COL23A1: variants seen among roughly 807,000 people sequenced by gnomAD.
COL23A1 encodes collagen alpha-1(XXIII) chain.
In COL23A1, 97 loss-of-function variants were observed where a neutral mutation model predicts 99.3. The observed-to-expected ratio is 0.98, with a 90% CI of 0.83 to 1.16. The LOEUF is 1.16. Ranked by LOEUF, COL23A1 falls within the 50% of genes most tolerant of loss-of-function variation. The pLI, the probability that COL23A1 is intolerant of heterozygous loss-of-function variation, is 0.00. For synonymous variants in COL23A1, 320 were observed against 308.2 expected (o/e 1.04, Z -0.40); for missense variants, 762 against 757.4 (o/e 1.01, Z -0.07).
intron 2 of COL23A1, among the ~76,000 whole-genome samples, chr5:178,470,826 C>T (rs1363282246): frequency 2.6e-5 from 4 of 152,222 alleles, no homozygotes; most frequent in African/African-American, 9.6e-5. Context: ...CCCCACTGAG[C>T]GGCCGTTCAT....
chr5:178,353,812 C>A lies in COL23A1; in HGVS notation c.362-46893G>T, dbSNP rs749280793. On this transcript the variant is annotated intron_variant, in intron 2 of 28. Coordinates refer to ENST00000390654, the MANE Select transcript of COL23A1 (RefSeq NM_173465.4). ...GGAATTTATCCCTCCCATGCACTCACCCCAGTGTCATTTAACGCAGCCATT... is the reference window on the plus strand; with the variant it reads ...GGAATTTATCCCTCCCATGCACTCAACCCAGTGTCATTTAACGCAGCCATT... Among the ~76,000 whole-genome samples the A allele has an allele frequency of 2.6e-5, 4 of 152,216 alleles. 1 individual carries two copies.
chr5:178,447,656 T>G (rs1767238134), intron 2 of COL23A1, among the ~76,000 whole-genome samples: 1 of 152,180 alleles, frequency 6.6e-6, no homozygotes, highest in Non-Finnish European at 1.5e-5. Context: ...CTCGCTGATG[T>G]CCACACAATG....
At chr5:178,432,252 GAGAA>G (rs1322460499) in intron 2 of COL23A1, among the ~76,000 whole-genome samples, 6 of 152,210 alleles carry the variant, frequency 3.9e-5, no homozygotes, top group Non-Finnish European at 7.3e-5. Flanking sequence ...ACTAAGAAAA[GAGAA>G]AGCACTCCAA....
intron 2 of COL23A1, among the ~76,000 whole-genome samples, chr5:178,548,910 T>C (rs1272430498): frequency 4.6e-5 from 7 of 152,196 alleles, no homozygotes; most frequent in Non-Finnish European, 7.4e-5. Flanking sequence ...AATAGTAGTA[T>C]GTTCATACAC....
At chr5:178,587,002 A>T (rs1764037973) in intron 1 of COL23A1, among the ~76,000 whole-genome samples, 1 of 152,240 alleles carries the variant, frequency 6.6e-6, no homozygotes, top group African/African-American at 2.4e-5. Flanking sequence ...CAATAAATCC[A>T]TTGTAAGCTG....
chr5:178,249,683 AAC>A (rs746295532), intron 18 of COL23A1, among the ~76,000 whole-genome samples: 185 of 118,356 alleles, frequency 1.6e-3, no homozygotes, highest in Admixed American at 6.6e-3. Flanking sequence ...TGTATAGGAT[AAC>A]ACACACACAC....
At chr5:178,317,698 G>A (rs1486972599) in intron 2 of COL23A1, among the ~76,000 whole-genome samples, 1 of 152,184 alleles carries the variant, frequency 6.6e-6, no homozygotes, top group Non-Finnish European at 1.5e-5. Flanking sequence ...CCCAGGTTAT[G>A]CCTTGCCAAT....
intron 2 of COL23A1, among the ~76,000 whole-genome samples, chr5:178,452,007 T>A (rs1767516349): frequency 6.6e-6 from 1 of 152,116 alleles, no homozygotes; most frequent in Non-Finnish European, 1.5e-5. Context: ...GGCAAACTTA[T>A]TCTAAAGTTC....
intron 2 of COL23A1, among the ~76,000 whole-genome samples, chr5:178,423,095 T>C (rs1037743033): frequency 6.6e-6 from 1 of 152,136 alleles, no homozygotes; most frequent in Non-Finnish European, 1.5e-5. Flanking sequence ...GCCTTCCCAG[T>C]AGCTGGGACC....
At chr5:178,288,448 C>G in intron 4 of COL23A1, 98 bp from the exon 5 acceptor site, 1 of 1,050,884 alleles carries the variant, frequency 9.5e-7, no homozygotes. Context: ...ACCCGCCCCC[C>G]GACAGCTGGT....
rs116123494 is a variant in COL23A1 at position 178,287,788 on chromosome 5, C to T, written c.441+536G>A. On this transcript the variant is annotated intron_variant, in intron 5 of 28. Coordinates refer to ENST00000390654, the MANE Select transcript of COL23A1 (RefSeq NM_173465.4). The stretch of plus-strand genomic sequence containing the variant: ...TCAACCCCCGCACAGGACCTGACAG[C>T]GGCACAGCCACGCTGCGTCTTGCTG... Among the ~76,000 whole-genome samples, 401 of 152,358 alleles carry T rather than the reference C, an allele frequency of 2.6e-3. 3 individuals carry two copies. The highest frequency in any genetic ancestry group is 8.9e-3 in the African/African-American group (371 of 41,582).
rs79552875 is a variant in COL23A1, at chr5:178,307,714, C to T, written c.362-795G>A. ...CCTCCCCTCACCTCTGTGGCGCTCA[C>T]TGCCATCCTTCCTGGCGCCCCTTCT... On this transcript the variant is annotated intron_variant, in intron 2 of 28. Coordinates refer to ENST00000390654, the MANE Select transcript of COL23A1 (RefSeq NM_173465.4). This position sits in a 1 kb window ranked among gnomAD's most constrained non-coding sequence, Gnocchi z 4.2. Among the ~76,000 whole-genome samples the T allele has an allele frequency of 8.7e-3, 1,321 of 152,360 alleles. 18 individuals are homozygous for T. Among genetic ancestry groups the T allele is most frequent in the African/African-American group, 0.031 (1,271 of 41,576 alleles).
At chr5:178,479,123 T>TGAC (rs1757190235) in intron 2 of COL23A1, among the ~76,000 whole-genome samples, 1 of 151,906 alleles carries the variant, frequency 6.6e-6, no homozygotes, top group Admixed American at 6.6e-5. Flanking sequence ...ATGATGATGA[T>TGAC]GACCGTGGTA....
At chr5:178,463,676 C>A (rs553015884) in intron 2 of COL23A1, among the ~76,000 whole-genome samples, 1 of 152,320 alleles carries the variant, frequency 6.6e-6, no homozygotes, top group South Asian at 2.1e-4. Flanking sequence ...GGGACACAGG[C>A]TTCCCCAAGG....
intron 27 of COL23A1, among the ~76,000 whole-genome samples, chr5:178,240,488 A>G (rs1764335217): frequency 6.6e-6 from 1 of 152,180 alleles, no homozygotes; most frequent in Non-Finnish European, 1.5e-5. Context: ...TGCCCCTCGC[A>G]GGGCCCCGCC....
At chr5:178,417,805 A>G (rs1275564185) in intron 2 of COL23A1, among the ~76,000 whole-genome samples, 1 of 152,224 alleles carries the variant, frequency 6.6e-6, no homozygotes, top group Non-Finnish European at 1.5e-5. Context: ...ATCACAAAAT[A>G]CCCGCAGAAA....
Position 178,553,762 on chromosome 5 carries a change from T to C in COL23A1, c.361+6920A>G, listed in dbSNP as rs150797365. On this transcript the variant is annotated intron_variant, in intron 2 of 28. Coordinates refer to ENST00000390654, the MANE Select transcript of COL23A1 (RefSeq NM_173465.4). ...TTCTCTCACTCCAGCATCGCCAGCA[T>C]CTTCATACCCACGTCCTAGAAGAAC... Among the ~76,000 whole-genome samples, 78 of 152,248 alleles carry C rather than the reference T, an allele frequency of 5.1e-4. No homozygotes were observed. In the East Asian group the frequency reaches 0.015, roughly 29 times the overall value.
At chr5:178,448,417 G>A (rs58754033) in intron 2 of COL23A1, among the ~76,000 whole-genome samples, 3,612 of 149,766 alleles carry the variant, frequency 0.024, 126 homozygotes, top group African/African-American at 0.084. Flanking sequence ...GTCGCAGTCC[G>A]TTTTGTTCTG....
Position 178,365,772 on chromosome 5 carries a change from C to G in COL23A1, c.362-58853G>C, listed in dbSNP as rs1420874962. Among the ~76,000 whole-genome samples, 1 of 152,150 alleles carries G rather than the reference C, an allele frequency of 6.6e-6. No homozygotes were observed. The highest frequency in any genetic ancestry group is 2.4e-5 in the African/African-American group (1 of 41,446). ...GTTCTGATGTCACCTTTCTCACACC[C>G]AGGAGTCCTCTGTGACCTGGGAGGG... is the stretch of plus-strand genomic sequence containing the variant. On this transcript the variant is annotated intron_variant, in intron 2 of 28. Transcript: ENST00000390654. The surrounding 1 kb of genome is among the most constrained non-coding windows in gnomAD (Gnocchi z 5.2).
Sources: gnomAD v4.1 joint callset for allele counts (sites outside exome capture counted in the v4.1 genomes callset) on GRCh38, gnomAD v4.1.1 for gene constraint, Gnocchi (gnomAD v3.1) non-coding constraint, MANE v1.5 for transcripts, NCBI Gene and HGNC (gene_info 2026-07-23, HGNC 2026-07-21) for gene names.